Variants in MAP3K20 observed in about 807,000 individuals in gnomAD.
MAP3K20 encodes mitogen-activated protein kinase kinase kinase 20, also known as HCCS-4.
Under a neutral mutation model 85.7 loss-of-function variants are expected in MAP3K20, and 40 were observed. That is an observed-to-expected ratio of 0.47 (90% CI 0.36 to 0.61). The LOEUF (loss-of-function observed/expected upper bound fraction) is 0.61. Among genes scored for constraint, MAP3K20 ranks in the 20% least tolerant of loss-of-function variants. The pLI is 0.00. For missense variants in MAP3K20, 817 were observed against 961.7 expected (o/e 0.85, Z 1.99); for synonymous variants, 325 against 327.7 (o/e 0.99, Z 0.09).
chr2:173,133,595 A>G (rs1436736726), intron 2 of MAP3K20, among the ~76,000 whole-genome samples: 1 of 152,178 alleles, frequency 6.6e-6, no homozygotes, highest in African/African-American at 2.4e-5. Context: ...GGAACTCACA[A>G]GACCAACCTT....
At chr2:173,199,992 CATGAT>C (rs2106286951) in intron 8 of MAP3K20, among the ~76,000 whole-genome samples, 2 of 152,222 alleles carry the variant, frequency 1.3e-5, no homozygotes, top group South Asian at 4.1e-4. Flanking sequence ...CTATTTTATT[CATGAT>C]ATGTTCTGAT....
intron 2 of MAP3K20, among the ~76,000 whole-genome samples, chr2:173,134,449 C>CTTTTTTTTTT: frequency 1.4e-4 from 1 of 7,292 alleles, no homozygotes; most frequent in East Asian, 9.3e-3. Flanking sequence ...TTTTTTTTTG[C>CTTTTTTTTTT]AGAGACGGGG....
intron 2 of MAP3K20, among the ~76,000 whole-genome samples, chr2:173,124,472 TG>T (rs1200661438): frequency 6.6e-6 from 1 of 151,436 alleles, no homozygotes; most frequent in Non-Finnish European, 1.5e-5. Flanking sequence ...GATGGGGCGG[TG>T]GGGGTTGGTT....
rs371934816 is a variant in MAP3K20 at position 173,231,086 on chromosome 2, TG to T, written c.1033-1105del. Among the ~76,000 whole-genome samples the T allele has an allele frequency of 2.3e-3, 346 of 152,104 alleles. 1 individual carries two copies. Among genetic ancestry groups the T allele is most frequent in the African/African-American group, 7.8e-3 (323 of 41,498 alleles). ...AGCTCAGGGTATCACTAAATGAAAA[TG>T]AAAAAAACAAAAGATGTAATGCCAG... On this transcript the variant is annotated intron_variant, in intron 12 of 19. Transcript: ENST00000375213.
At chr2:173,110,838 G>A (rs940217132) in intron 2 of MAP3K20, among the ~76,000 whole-genome samples, 4 of 152,142 alleles carry the variant, frequency 2.6e-5, no homozygotes, top group African/African-American at 9.7e-5. Flanking sequence ...ATGGGCATTT[G>A]GGTTGGTTCC....
chr2:173,144,314 T>A (rs1208877533), intron 2 of MAP3K20, among the ~76,000 whole-genome samples: 1 of 151,040 alleles, frequency 6.6e-6, no homozygotes, highest in East Asian at 1.9e-4. Flanking sequence ...ATACAAAAAA[T>A]TAGCCGGGCG....
chr2:173,190,820 T>G, intron 5 of MAP3K20, 75 bp from the exon 6 acceptor site: 2 of 1,286,032 alleles, frequency 1.6e-6, no homozygotes, highest in Non-Finnish European at 2.2e-6. Context: ...AATAGAAGTT[T>G]ATGGTTTTTT....
At chr2:173,164,022 C>T (rs1689741290) in intron 2 of MAP3K20, among the ~76,000 whole-genome samples, 1 of 151,456 alleles carries the variant, frequency 6.6e-6, no homozygotes, top group Admixed American at 6.6e-5. Context: ...TGCAGTGGTG[C>T]AATCTCGGCT....
At chr2:173,227,337 A>G (rs1684416788) in intron 11 of MAP3K20, among the ~76,000 whole-genome samples, 1 of 152,116 alleles carries the variant, frequency 6.6e-6, no homozygotes, top group African/African-American at 2.4e-5. Context: ...TTATTCCCTA[A>G]AGAAAGAAAG....
intron 11 of MAP3K20, chr2:173,225,241 C>A: frequency 1.6e-6 from 1 of 621,042 alleles, no homozygotes; most frequent in Non-Finnish European, 2.0e-6. Flanking sequence ...GCATTTGCTG[C>A]CCAGTGCCAG....
chr2:173,221,469 GT>G, intron 11 of MAP3K20: 4 of 1,611,732 alleles, frequency 2.5e-6, no homozygotes, highest in Non-Finnish European at 3.4e-6. Context: ...TTGTCAGAAG[GT>G]GACGATGATG....
intron 16 of MAP3K20, among the ~76,000 whole-genome samples, chr2:173,253,767 A>G (rs1040082478): frequency 3.9e-5 from 6 of 152,166 alleles, no homozygotes; most frequent in African/African-American, 1.4e-4. Context: ...ACCTCAAGCT[A>G]AAATCAGTAG....
chr2:173,094,138 A>G (rs1687388307), intron 2 of MAP3K20, among the ~76,000 whole-genome samples: 1 of 152,168 alleles, frequency 6.6e-6, no homozygotes, highest in Non-Finnish European at 1.5e-5. Context: ...TTAAAGTATA[A>G]TAAAAAAAAA....
intron 5 of MAP3K20, among the ~76,000 whole-genome samples, chr2:173,189,652 T>A (rs1690591354): frequency 6.6e-6 from 1 of 152,226 alleles, no homozygotes; most frequent in African/African-American, 2.4e-5. Context: ...AAATCATCCC[T>A]GCATTTCTTT....
intron 2 of MAP3K20, among the ~76,000 whole-genome samples, chr2:173,124,030 G>C (rs1390721647): frequency 6.6e-6 from 1 of 152,078 alleles, no homozygotes; most frequent in African/African-American, 2.4e-5. Flanking sequence ...TGTTTCTGTT[G>C]GCACTTCATT....
intron 2 of MAP3K20, among the ~76,000 whole-genome samples, chr2:173,149,357 G>A (rs1689229688): frequency 6.6e-6 from 1 of 152,106 alleles, no homozygotes; most frequent in Non-Finnish European, 1.5e-5. Context: ...GACATTAGTG[G>A]AGAAAATGGT....
intron 2 of MAP3K20, among the ~76,000 whole-genome samples, chr2:173,131,334 C>T (rs903917592): frequency 7.9e-5 from 12 of 152,128 alleles, no homozygotes; most frequent in Non-Finnish European, 1.5e-4. Flanking sequence ...CAATGAAATG[C>T]CACAGTGTAC....
In MAP3K20 at chr2:173,076,011, C is replaced by G. The variant is rs1559220584; in HGVS notation, c.-35+9C>G. On this transcript the variant is annotated intron_variant, in intron 1 of 19. Coordinates refer to ENST00000375213, the MANE Select transcript of MAP3K20 (RefSeq NM_016653.3). ...CCCCGCCCGGGAGCCAGGTAGGGGTCAGGCTGGAGCCCGCGGAGGGCGGGG... is the reference window on the plus strand; with the variant it reads ...CCCCGCCCGGGAGCCAGGTAGGGGTGAGGCTGGAGCCCGCGGAGGGCGGGG... 2.0e-6 allele frequency: 2 copies of G among 984,574 alleles called. No homozygotes were observed. The highest frequency in any genetic ancestry group is 2.4e-6 in the Non-Finnish European group (2 of 829,518). The allele number at this position is 984,574 out of a possible 1,614,324, so 61.0% of individuals were successfully genotyped here. A position where few individuals can be genotyped will look rare whatever the true frequency, so the allele number is the denominator to read the frequency against.
intron 2 of MAP3K20, among the ~76,000 whole-genome samples, chr2:173,165,651 G>A (rs1008713324): frequency 1.9e-4 from 29 of 152,046 alleles, no homozygotes; most frequent in African/African-American, 4.6e-4. Context: ...CTATTTCAGC[G>A]TAATTAAGTG....
Sources: allele counts gnomAD v4.1 joint callset (sites outside exome capture counted in the v4.1 genomes callset), GRCh38; gene constraint gnomAD v4.1.1; transcripts MANE v1.5; gene names NCBI Gene and HGNC (gene_info 2026-07-23, HGNC 2026-07-21).